Variants in MED16 observed in about 807,000 individuals in gnomAD.
MED16 encodes the protein mediator of RNA polymerase II transcription subunit 16.
A neutral mutation model predicts 84.4 loss-of-function variants in MED16; 81 were observed. The observed-to-expected ratio is 0.96, with a 90% CI of 0.80 to 1.15. The LOEUF is 1.15. Ranked by LOEUF, MED16 falls within the 50% of genes most tolerant of loss-of-function variation. MED16 has a pLI of 0.00. For synonymous variants in MED16, 897 were observed against 552.2 expected, an observed-to-expected ratio of 1.62 and a Z score of -8.76; for missense variants, 1,585 against 1,245.9, an observed-to-expected ratio of 1.27 and a Z score of -4.10.
intron 8 of MED16, among the ~76,000 whole-genome samples, chr19:878,113 C>T (rs1437140522): frequency 8.8e-6 from 1 of 113,820 alleles, no homozygotes; most frequent in Non-Finnish European, 1.7e-5. Context: ...CGTGCCCCAG[C>T]AACTCACCTT....
At chr19:876,198 G>C (rs1330727804) in intron 9 of MED16, among the ~76,000 whole-genome samples, 1 of 152,132 alleles carries the variant, frequency 6.6e-6, no homozygotes, top group Non-Finnish European at 1.5e-5. Context: ...AACAAGTGAA[G>C]CTCAGAGGGC....
intron 4 of MED16, among the ~76,000 whole-genome samples, chr19:889,086 T>TC (rs1244809767): frequency 2.9e-4 from 31 of 106,670 alleles, no homozygotes; most frequent in African/African-American, 1.1e-3. Context: ...CTCTTAACTG[T>TC]CCCCAACCCT....
intron 11 of MED16, among the ~76,000 whole-genome samples, chr19:872,655 G>T (rs913659085): frequency 1.3e-5 from 2 of 151,864 alleles, no homozygotes; most frequent in Non-Finnish European, 2.9e-5. Flanking sequence ...GTACCGGCGG[G>T]GGGGTGGGGG....
intron 1 of MED16, 200 bp downstream of exon 1, chr19:892,886 C>CGA (rs1432462193): frequency 3.1e-3 from 33 of 10,776 alleles, no homozygotes; most frequent in African/African-American, 8.6e-3. Context: ...CCCCGAGCCC[C>CGA]GCGCCCCGCG....
chr19:875,479 C>G, intron 9 of MED16, 25 bp from the exon 10 acceptor site: 2 of 1,579,452 alleles, frequency 1.3e-6, no homozygotes, highest in Non-Finnish European at 1.7e-6. Flanking sequence ...CCAGGTCACC[C>G]CAAGGGGCCG....
rs1326232555 is a variant in MED16 at position 868,608 on chromosome 19, C to T, written c.2400-109G>A. 4.2e-6 allele frequency: 6 copies of T among 1,434,512 alleles called. No homozygotes were observed. The South Asian group carries it at 6.1e-5, about 15-fold the overall frequency. 88.9% of individuals were successfully genotyped at this position (1,434,512 alleles called of 1,614,324 possible). A position where few individuals can be genotyped will look rare whatever the true frequency, so the allele number is the denominator to read the frequency against. On this transcript the variant is annotated intron_variant, in intron 14 of 15. Transcript: ENST00000325464. ...CTCCCTCTGCTCGCCGTCCCTCACG[C>T]CTGCTCCCCACGTCCCCACCTGCCA...
chr19:882,755 T>C (rs1413563791), intron 6 of MED16, among the ~76,000 whole-genome samples: 1 of 152,230 alleles, frequency 6.6e-6, no homozygotes, highest in Non-Finnish European at 1.5e-5. Flanking sequence ...CTGCTCAGTT[T>C]GGGGCTGGCT....
intron 7 of MED16, 146 bp downstream of exon 7, chr19:881,413 A>C: frequency 1.1e-6 from 1 of 871,914 alleles, no homozygotes; most frequent in Non-Finnish European, 1.6e-6. Flanking sequence ...CAGAACCCAG[A>C]AGGCTGAGCT....
chr19:887,789 C>T (rs1209558111), intron 4 of MED16, among the ~76,000 whole-genome samples: 1 of 152,070 alleles, frequency 6.6e-6, no homozygotes, highest in Non-Finnish European at 1.5e-5. Flanking sequence ...AGTGTGTGAT[C>T]CTGTTTCTAT....
rs536421189 is a variant in MED16, at chr19:881,963, G to A, written c.986-249C>T. ...GGGATTTCATGGAAACCTGTGGGCC[G>A]GCACCATCTCACCCCCGATGGGGCA... On this transcript the variant is annotated intron_variant, in intron 6 of 15. Coordinates refer to ENST00000325464, the MANE Select transcript of MED16 (RefSeq NM_005481.3). 2.0e-4 allele frequency among the ~76,000 whole-genome samples: 30 copies of A among 152,346 alleles called. No individual in the cohort carries two copies. In the East Asian group the frequency reaches 3.1e-3, roughly 16 times the overall value.
At chr19:873,662 C>T in intron 10 of MED16, 80 bp from the exon 11 acceptor site, 1 of 1,537,718 alleles carries the variant, frequency 6.5e-7, no homozygotes, top group Non-Finnish European at 8.9e-7. Context: ...GGTCCTTCGA[C>T]CTGCACTGAG....
At position 875,432 on chromosome 19, in the gene MED16, GC is replaced by G. The variant is rs2036208195; in HGVS notation, c.1582del (p.Ala528ProfsTer2). ...LQQVLSTRIL[A>X]MKASLCKLSP... Reference sequence around the variant, plus strand: ...CAGCTTGCAGAGCGAGGCCTTCATGGCCAGGATCCGGGTGGAGAGGACCTGA... The same window carrying G: ...CAGCTTGCAGAGCGAGGCCTTCATGGCAGGATCCGGGTGGAGAGGACCTGA... On this transcript the variant is annotated frameshift_variant, in exon 10 of 16. Transcript: ENST00000325464. LOFTEE classifies it high-confidence loss of function. The G allele has an allele frequency of 6.2e-7, 1 of 1,603,698 alleles. No homozygotes were observed. The highest frequency in any genetic ancestry group is 1.3e-5 in the African/African-American group (1 of 74,866).
At chr19:886,783 G>A (rs892215538) in intron 4 of MED16, among the ~76,000 whole-genome samples, 2 of 152,222 alleles carry the variant, frequency 1.3e-5, no homozygotes, top group African/African-American at 2.4e-5. Context: ...TCTTTTAAAA[G>A]ATGGGGTCTT....
intron 10 of MED16, among the ~76,000 whole-genome samples, chr19:874,119 A>G (rs2036170248): frequency 6.6e-6 from 1 of 150,632 alleles, no homozygotes; most frequent in African/African-American, 2.4e-5. Context: ...CGATAACCCT[A>G]AATTTTTTTT....
At chr19:882,403 T>C (rs2036439077) in intron 6 of MED16, among the ~76,000 whole-genome samples, 1 of 149,316 alleles carries the variant, frequency 6.7e-6, no homozygotes, top group Non-Finnish European at 1.5e-5. Context: ...TGCACACGCC[T>C]GTAGTCCCAG....
At chr19:875,701 G>A (rs1411773469) in intron 9 of MED16, among the ~76,000 whole-genome samples, 4 of 152,314 alleles carry the variant, frequency 2.6e-5, no homozygotes, top group Middle Eastern at 3.4e-3. Flanking sequence ...GATGTCTGGA[G>A]ATATTTTTAG....
At chr19:889,585 G>A (rs956554944) in intron 4 of MED16, 53 bp downstream of exon 4, 9 of 1,554,866 alleles carry the variant, frequency 5.8e-6, no homozygotes, top group Middle Eastern at 1.7e-4. Context: ...GCGGGTGGCT[G>A]GGTAGGGTGA....
intron 9 of MED16, among the ~76,000 whole-genome samples, chr19:876,022 G>A (rs995088644): frequency 6.6e-5 from 10 of 152,320 alleles, no homozygotes; most frequent in Non-Finnish European, 1.3e-4. Flanking sequence ...AGAGGGCGAG[G>A]TCTCGCCATC....
In MED16 at chr19:872,078, C is replaced by T. The variant is rs948206020; in HGVS notation, c.1946G>A (p.Gly649Asp). The change falls in exon 12 of 16, where the codon GGC (glycine) becomes GAC (aspartate). Residue 649 changes from glycine (G) to aspartate (D), a missense_variant. Gly to Asp is a moderately conservative substitution (Grantham distance 94). Coordinates refer to ENST00000325464, the MANE Select transcript of MED16 (RefSeq NM_005481.3). ...LRPGHSFLRD[G>D]TSLGMLRELM... ...TTCCCGAAGCATGCCCAGCGAGGTG[C>T]CGTCCCGCAGAAAGCTGTGGCCCGG... 1.2e-6 allele frequency: 2 copies of T among 1,609,058 alleles called. No homozygotes were observed. Among genetic ancestry groups the T allele is most frequent in the East Asian group, 2.2e-5 (1 of 44,670 alleles).
Sources: allele counts gnomAD v4.1 joint callset (sites outside exome capture counted in the v4.1 genomes callset), GRCh38; gene constraint gnomAD v4.1.1; transcripts MANE v1.5; gene names NCBI Gene and HGNC (gene_info 2026-07-23, HGNC 2026-07-21).